RASSF3: variants seen among roughly 807,000 people sequenced by gnomAD.
RASSF3 encodes the protein ras association domain-containing protein 3.
In RASSF3, 19 loss-of-function variants were observed where a neutral mutation model predicts 19.9. The observed-to-expected ratio is 0.96, with a 90% CI of 0.67 to 1.40. RASSF3 has a LOEUF of 1.40. Among genes scored for constraint, RASSF3 ranks in the 40% most tolerant of loss-of-function variants. RASSF3 has a pLI of 0.00. For synonymous variants in RASSF3, 110 were observed against 104.2 expected (o/e 1.06, Z -0.34); for missense variants, 306 against 289.8 (o/e 1.06, Z -0.41).
At chr12:64,674,601 G>T (rs1872815112) in intron 1 of RASSF3, among the ~76,000 whole-genome samples, 1 of 152,190 alleles carries the variant, frequency 6.6e-6, no homozygotes, top group Non-Finnish European at 1.5e-5. Flanking sequence ...AAGTGTAAAA[G>T]CACTGTTGTG....
intron 1 of RASSF3, among the ~76,000 whole-genome samples, chr12:64,514,745 T>C (rs1868350630): frequency 6.6e-6 from 1 of 152,146 alleles, no homozygotes; most frequent in South Asian, 2.1e-4. Flanking sequence ...TTAGCAAAGT[T>C]TCTCATAGTG....
chr12:64,608,854 CG>C (rs1019241853), upstream of RASSF3, among the ~76,000 whole-genome samples: 4 of 152,302 alleles, frequency 2.6e-5, no homozygotes, highest in African/African-American at 9.6e-5. Context: ...GGCACACACA[CG>C]GATCAGCTTA....
chr12:64,640,426 A>G (rs1176049209), intron 1 of RASSF3, among the ~76,000 whole-genome samples: 2 of 152,196 alleles, frequency 1.3e-5, no homozygotes, highest in South Asian at 2.1e-4. Flanking sequence ...TTGTGTAACT[A>G]TAACTTTATT....
At chr12:64,625,132 T>C (rs1180461975) in intron 1 of RASSF3, among the ~76,000 whole-genome samples, 1 of 152,176 alleles carries the variant, frequency 6.6e-6, no homozygotes, top group African/African-American at 2.4e-5. Context: ...TAGGTCTGTC[T>C]CATTGGCTTT....
chr12:64,639,888 A>G (rs889023284), intron 1 of RASSF3, among the ~76,000 whole-genome samples: 5 of 152,236 alleles, frequency 3.3e-5, no homozygotes, highest in African/African-American at 1.2e-4. Context: ...GATCTTGGCC[A>G]CAAGGTCTGT....
chr12:64,556,993 T>G (rs1001331308), intron 2 of RASSF3, among the ~76,000 whole-genome samples: 7 of 151,982 alleles, frequency 4.6e-5, no homozygotes, highest in African/African-American at 1.7e-4. Context: ...TGCGCCACCA[T>G]GCCTGGCTAA....
At chr12:64,560,270 A>G (rs1027529485) in intron 2 of RASSF3, among the ~76,000 whole-genome samples, 1 of 152,238 alleles carries the variant, frequency 6.6e-6, no homozygotes, top group Non-Finnish European at 1.5e-5. Context: ...CTAGAGCTCT[A>G]GGACTATCAG....
intron 1 of RASSF3, among the ~76,000 whole-genome samples, chr12:64,633,615 A>C (rs1871235094): frequency 6.6e-6 from 1 of 152,142 alleles, no homozygotes; most frequent in Admixed American, 6.6e-5. Flanking sequence ...TTTCTTTATA[A>C]ATTACCTAGC....
At chr12:64,691,017 C>T (rs2620716) in intron 3 of RASSF3, among the ~76,000 whole-genome samples, 56,531 of 151,650 alleles carry the variant, frequency 0.37, 11,384 homozygotes, top group Middle Eastern at 0.5. Context: ...CCCGCCACCA[C>T]GCCCGGCTGA....
At chr12:64,629,106 CTTT>C (rs776053378) in intron 1 of RASSF3, among the ~76,000 whole-genome samples, 1 of 136,206 alleles carries the variant, frequency 7.3e-6, no homozygotes. Flanking sequence ...GACTAATTTT[CTTT>C]TTTTTTTTTT....
In RASSF3 at chr12:64,584,306, T is replaced by A. The variant is rs368450561; in HGVS notation, c.294+42601T>A. On this transcript the variant is annotated intron_variant, in intron 2 of 5. Transcript: ENST00000637125. ...ATCTAACAAACCTTGAACATTTAAT[T>A]ATGCTGATTCTTTCTTTTGCCCAGA... Among the ~76,000 whole-genome samples, 4 of 152,148 alleles carry A rather than the reference T, an allele frequency of 2.6e-5. No homozygotes were observed. In the South Asian group the frequency reaches 8.3e-4, roughly 31 times the overall value.
upstream of RASSF3, among the ~76,000 whole-genome samples, chr12:64,528,778 A>C (rs1286127980): frequency 6.6e-6 from 1 of 152,194 alleles, no homozygotes; most frequent in Non-Finnish European, 1.5e-5. Context: ...CAGCCCTAGC[A>C]CTGCCACATG....
chr12:64,616,278 G>T lies in RASSF3; in HGVS notation c.111+5535G>T, dbSNP rs536491179. 2.3e-4 allele frequency among the ~76,000 whole-genome samples: 35 copies of T among 152,186 alleles called. No individual in the cohort carries two copies. In the East Asian group the frequency reaches 6.6e-3, roughly 29 times the overall value. ...AACTCACAAGATTTGGAATTATTTGGAAAGCAGTGACACAAAACATTTTTG... is the reference window on the plus strand; with the variant it reads ...AACTCACAAGATTTGGAATTATTTGTAAAGCAGTGACACAAAACATTTTTG... On this transcript the variant is annotated intron_variant, in intron 1 of 4. Coordinates refer to ENST00000542104, the MANE Select transcript of RASSF3 (RefSeq NM_178169.4).
intron 1 of RASSF3, chr12:64,622,521 T>C (rs1371325663): frequency 1.9e-6 from 1 of 530,402 alleles, no homozygotes; most frequent in Non-Finnish European, 3.9e-6. Context: ...TTGGCATCTA[T>C]TAGGTTGGTG....
At chr12:64,692,291 G>A (rs115093810) in intron 4 of RASSF3, among the ~76,000 whole-genome samples, 1 of 152,106 alleles carries the variant, frequency 6.6e-6, no homozygotes. Context: ...TTGAGAATAG[G>A]GTTTCTAGGT....
intron 1 of RASSF3, 54 bp downstream of exon 1, chr12:64,610,797 C>A: frequency 8.7e-7 from 1 of 1,144,272 alleles, no homozygotes; most frequent in East Asian, 2.9e-5. Context: ...CCGGGGAACC[C>A]GCCAGCCCGC....
chr12:64,696,886 C>T lies in RASSF3; in HGVS notation c.*1974C>T, dbSNP rs1001585804. 3 of 152,010 alleles carry T rather than the reference C, an allele frequency of 2.0e-5. No individual in the cohort carries two copies. Among genetic ancestry groups the T allele is most frequent in the Non-Finnish European group, 2.9e-5 (2 of 68,008 alleles). The allele number at this position is 152,010 out of a possible 1,614,324, so 9.4% of individuals were successfully genotyped here. A position where few individuals can be genotyped will look rare whatever the true frequency, so the allele number is the denominator to read the frequency against. On this transcript the variant is annotated 3_prime_UTR_variant, in exon 5 of 5. Transcript: ENST00000542104. ...ACCTTTATTGTTCAGGGAATGCCTT[C>T]GTGATTTTTTGTACTGGTTTTATTA...
At chr12:64,624,950 A>G (rs963598501) in intron 1 of RASSF3, among the ~76,000 whole-genome samples, 31 of 151,970 alleles carry the variant, frequency 2.0e-4, no homozygotes, top group Admixed American at 2.0e-3. Flanking sequence ...TACAGGCGTG[A>G]GCCACCGCGC....
chr12:64,548,216 G>C (rs1869101774), intron 2 of RASSF3, among the ~76,000 whole-genome samples: 1 of 152,094 alleles, frequency 6.6e-6, no homozygotes, highest in Non-Finnish European at 1.5e-5. Context: ...GTCTCACTCT[G>C]TCGCCCAGGC....
Sources: gnomAD v4.1 joint callset for allele counts (sites outside exome capture counted in the v4.1 genomes callset) on GRCh38, gnomAD v4.1.1 for gene constraint, MANE v1.5 for transcripts, NCBI Gene and HGNC (gene_info 2026-07-23, HGNC 2026-07-21) for gene names.